Variants in SPATA13 observed in about 807,000 individuals in gnomAD.
SPATA13 encodes spermatogenesis associated 13, also known as spermatogenesis-associated protein 13.
SPATA13 carries 50 observed loss-of-function variants against 104.0 expected under a neutral mutation model. That is an observed-to-expected ratio of 0.48 (90% CI 0.38 to 0.61). SPATA13 has a LOEUF of 0.61. Among genes scored for constraint, SPATA13 ranks in the 20% least tolerant of loss-of-function variants. The pLI is 0.00. For synonymous variants in SPATA13, 606 were observed against 667.5 expected (o/e 0.91, Z 1.42); for missense variants, 1,524 against 1,690.6 (o/e 0.90, Z 1.73).
intron 3 of SPATA13, among the ~76,000 whole-genome samples, chr13:24,053,412 G>T (rs886699275): frequency 3.3e-5 from 5 of 152,072 alleles, no homozygotes. Context: ...AACAAAATTC[G>T]GGTAGAAATG....
chr13:24,076,441 G>T (rs1879328715), intron 3 of SPATA13, among the ~76,000 whole-genome samples: 1 of 152,130 alleles, frequency 6.6e-6, no homozygotes, highest in African/African-American at 2.4e-5. Flanking sequence ...CTGTCCCAAA[G>T]GATGGCCAAG....
chr13:24,101,905 C>T (rs942572781), intron 3 of SPATA13, among the ~76,000 whole-genome samples: 17 of 152,172 alleles, frequency 1.1e-4, no homozygotes, highest in African/African-American at 3.6e-4. Flanking sequence ...GGGTTGCTTC[C>T]GTCTTTTGGC....
At chr13:24,054,945 A>G (rs1374821538) in intron 3 of SPATA13, among the ~76,000 whole-genome samples, 2 of 152,230 alleles carry the variant, frequency 1.3e-5, no homozygotes, top group Admixed American at 1.3e-4. Flanking sequence ...TTAGCTAGCT[A>G]CCTTTCAGAA....
At chr13:24,208,150 G>C (rs1870814132) in intron 1 of SPATA13, among the ~76,000 whole-genome samples, 1 of 152,140 alleles carries the variant, frequency 6.6e-6, no homozygotes, top group South Asian at 2.1e-4. Context: ...GCTGGAGGAA[G>C]GTAATTAGTG....
intron 1 of SPATA13, among the ~76,000 whole-genome samples, chr13:24,207,042 A>G (rs1400478898): frequency 6.6e-6 from 1 of 152,246 alleles, no homozygotes; most frequent in Non-Finnish European, 1.5e-5. Flanking sequence ...GCAGCCATAA[A>G]AGGAACAAGA....
chr13:24,199,407 A>G (rs1045484425), intron 1 of SPATA13, among the ~76,000 whole-genome samples: 2 of 152,250 alleles, frequency 1.3e-5, no homozygotes, highest in African/African-American at 4.8e-5. Context: ...TGATTCTACC[A>G]GAAAGTGTGC....
chr13:24,275,678 A>G (rs1426544576), intron 4 of SPATA13, among the ~76,000 whole-genome samples: 1 of 152,256 alleles, frequency 6.6e-6, no homozygotes, highest in Non-Finnish European at 1.5e-5. Context: ...TCACGCCTGT[A>G]ATCCCAGCAC....
At position 24,262,960 on chromosome 13, in the gene SPATA13, A is replaced by T. The variant is rs573220586; in HGVS notation, c.2164+11098A>T. Among the ~76,000 whole-genome samples, 349 of 152,130 alleles carry T rather than the reference A, an allele frequency of 2.3e-3. 1 individual carries two copies. The highest frequency in any genetic ancestry group is 7.0e-3 in the African/African-American group (292 of 41,528). On this transcript the variant is annotated intron_variant, in intron 4 of 12. Coordinates refer to ENST00000382108, the MANE Select transcript of SPATA13 (RefSeq NM_001166271.3). ...AAATACATACGTTCAGGTTATTTTA[A>T]AAAAAAAGAAACTTGACTGGGTCTT... is the stretch of plus-strand genomic sequence containing the variant.
intron 3 of SPATA13, among the ~76,000 whole-genome samples, chr13:24,020,522 T>C (rs1324608739): frequency 6.6e-6 from 1 of 152,194 alleles, no homozygotes; most frequent in Admixed American, 6.5e-5. Context: ...GAGGGAGCTG[T>C]TGAACCTTAA....
chr13:24,112,490 T>C (rs375836298), intron 3 of SPATA13, among the ~76,000 whole-genome samples: 1 of 152,204 alleles, frequency 6.6e-6, no homozygotes, highest in Non-Finnish European at 1.5e-5. Flanking sequence ...TGAATTCTCA[T>C]GCTCAGCCAC....
In SPATA13 at chr13:24,045,861, A is replaced by C. The variant is rs922215301; in HGVS notation, c.-112+28160A>C. The stretch of plus-strand genomic sequence containing the variant: ...GGTCAGGTAGCAGGTGTGTGGTCTC[A>C]GATGAACTGATTCCATTCTGAGCCT... On this transcript the variant is annotated intron_variant, in intron 3 of 14. Transcript: ENST00000424834. Among the ~76,000 whole-genome samples the C allele has an allele frequency of 7.9e-5, 12 of 152,316 alleles. No individual in the cohort carries two copies. In the South Asian group the frequency reaches 2.3e-3, roughly 29 times the overall value.
In SPATA13 at chr13:24,223,142, G is replaced by A. The variant is rs1201772492; in HGVS notation, c.213G>A (p.Lys71=). 6 of 1,551,596 alleles carry A rather than the reference G, an allele frequency of 3.9e-6. No homozygotes were observed. Among genetic ancestry groups the A allele is most frequent in the Non-Finnish European group, 4.4e-6 (5 of 1,147,024 alleles). The change falls in exon 2 of 13, where the codon AAG becomes AAA. Residue 71 remains lysine, a synonymous_variant. Coordinates refer to ENST00000382108, the MANE Select transcript of SPATA13 (RefSeq NM_001166271.3). ...DTQEAKLSPA[K]LVRLFSTSRK... ...AGGAAGCCAAACTCAGCCCAGCCAA[G>A]CTTGTGCGCCTCTTTTCCACCAGTC... is the stretch of plus-strand genomic sequence containing the variant.
chr13:24,224,228 C>A lies in SPATA13; in HGVS notation c.1299C>A (p.Ser433Arg). The A allele has an allele frequency of 6.4e-7, 1 of 1,551,704 alleles. No individual in the cohort carries two copies. Residue 433 changes from serine to arginine, a missense_variant, in exon 2 of 13, where the codon AGC becomes AGA. This residue lies in a region of SPATA13 where 1,089 missense variants were observed against 1,135.9 expected (regional missense o/e 0.96). Coordinates refer to ENST00000382108, the MANE Select transcript of SPATA13 (RefSeq NM_001166271.3). The part of the protein sequence containing the change: ...DSSCTCSSLP[S>R]PIVQDVLSKD... ...CCTGCACTTGCAGCTCTTTGCCAAG[C>A]CCGATTGTCCAGGATGTGTTGAGCA...
In SPATA13 at chr13:24,229,600, G is replaced by A. The variant is rs183992273; in HGVS notation, c.1653+5018G>A. On this transcript the variant is annotated intron_variant, in intron 2 of 12. Transcript: ENST00000382108. ...TGACATGGCTTTTTAAGACAGGGAC[G>A]TTAAGGTCGGTTCTTTCCAGAACTC... Among the ~76,000 whole-genome samples, 221 of 152,204 alleles carry A rather than the reference G, an allele frequency of 1.5e-3. 2 individuals carry two copies. Among genetic ancestry groups the A allele is most frequent in the African/African-American group, 5.1e-3 (211 of 41,504 alleles).
chr13:24,127,704 C>T (rs1419581840), intron 3 of SPATA13, among the ~76,000 whole-genome samples: 2 of 152,194 alleles, frequency 1.3e-5, no homozygotes, highest in Non-Finnish European at 2.9e-5. Context: ...AATATGCGCC[C>T]ATCAATGGTT....
intron 3 of SPATA13, among the ~76,000 whole-genome samples, chr13:24,130,971 G>A (rs1881374661): frequency 6.6e-6 from 1 of 152,192 alleles, no homozygotes; most frequent in African/African-American, 2.4e-5. Flanking sequence ...TGGAGCGGGG[G>A]ACGCTTTCTG....
intron 4 of SPATA13, among the ~76,000 whole-genome samples, chr13:24,278,167 A>C (rs1875158461): frequency 6.6e-6 from 1 of 152,138 alleles, no homozygotes; most frequent in South Asian, 2.1e-4. Context: ...GGATACTAAC[A>C]CTGTTTTTAA....
chr13:24,104,247 T>TTTG (rs1555261782), intron 3 of SPATA13, among the ~76,000 whole-genome samples: 6 of 152,114 alleles, frequency 3.9e-5, no homozygotes, highest in African/African-American at 1.2e-4. Context: ...GGGTTTTTTT[T>TTTG]TTTTGTTTTT....
rs768743626 is a variant in SPATA13, at chr13:24,222,937, A to G, written c.8A>G (p.Gln3Arg). 119 of 1,550,902 alleles carry G rather than the reference A, an allele frequency of 7.7e-5. 2 individuals carry two copies. The South Asian group carries it at 1.3e-3, about 18-fold the overall frequency. ...TCGGCAGTGCCCGTGGCCATGACCC[A>G]GGCTGCCGTGCGGCCCTGGGCACCC... is the stretch of plus-strand genomic sequence containing the variant. The part of the protein sequence containing the change: MT[Q>R]AAVRPWAPCL... Residue 3 changes from glutamine (Q) to arginine (R), a missense_variant, in exon 2 of 13, where the codon CAG becomes CGG. Around this residue, in one of 2 missense-constraint regions of SPATA13, gnomAD observed 1,089 missense variants for 1,135.9 expected, o/e 0.96. Transcript: ENST00000382108.
Sources: allele counts gnomAD v4.1 joint callset (sites outside exome capture counted in the v4.1 genomes callset), GRCh38; gene constraint gnomAD v4.1.1; regional missense constraint gnomAD v4.1.1; transcripts MANE v1.5; gene names NCBI Gene and HGNC (gene_info 2026-07-23, HGNC 2026-07-21).